The following YAF2 variants were observed in gnomAD, a reference collection of about 807,000 sequenced individuals.
The protein encoded by YAF2 is YY1 associated factor 2.
Under a neutral mutation model 20.1 loss-of-function variants are expected in YAF2, and 7 were observed. The observed-to-expected ratio is 0.35, with a 90% CI of 0.20 to 0.65. YAF2 has a LOEUF of 0.65. YAF2 is among the 30% of genes least tolerant of loss of function. YAF2 has a pLI of 0.69. For synonymous variants in YAF2, 74 were observed against 76.0 expected, an observed-to-expected ratio of 0.97 and a Z score of 0.14; for missense variants, 151 against 219.2, an observed-to-expected ratio of 0.69 and a Z score of 1.96.
intron 2 of YAF2, among the ~76,000 whole-genome samples, chr12:42,187,714 GT>G (rs2066509447): frequency 6.6e-6 from 1 of 152,124 alleles, no homozygotes; most frequent in Non-Finnish European, 1.5e-5. Context: ...TTACAAATAA[GT>G]ATTAATAAAT....
chr12:42,214,799 T>G (rs944039787), intron 2 of YAF2, among the ~76,000 whole-genome samples: 1 of 150,200 alleles, frequency 6.7e-6, no homozygotes, highest in Non-Finnish European at 1.5e-5. Context: ...AGGTCAAGAG[T>G]TCGAGACCAG....
At chr12:42,234,745 T>C (rs889231840) in intron 2 of YAF2, 6 of 978,276 alleles carry the variant, frequency 6.1e-6, no homozygotes, top group Non-Finnish European at 7.3e-6. Flanking sequence ...CCCAGTTCTT[T>C]GGGAGGCCAA....
intron 2 of YAF2, among the ~76,000 whole-genome samples, chr12:42,224,684 A>C (rs752720075): frequency 3.9e-5 from 6 of 152,154 alleles, no homozygotes; most frequent in Non-Finnish European, 8.8e-5. Context: ...AGCTTCATCC[A>C]TGTCCCTGCA....
rs986243711 is a variant in YAF2, at chr12:42,162,088, G to A, written c.153-323C>T. Among the ~76,000 whole-genome samples the A allele has an allele frequency of 8.5e-5, 13 of 152,058 alleles. No homozygotes were observed. In the East Asian group the frequency reaches 1.5e-3, roughly 18 times the overall value. On this transcript the variant is annotated intron_variant, in intron 2 of 3. Transcript: ENST00000534854. ...AAATGGGATGTACCCATATAAACATGAGTTCTAAAAATCAAACTTCAAAGT... is the reference window on the plus strand; with the variant it reads ...AAATGGGATGTACCCATATAAACATAAGTTCTAAAAATCAAACTTCAAAGT...
intron 2 of YAF2, among the ~76,000 whole-genome samples, chr12:42,207,094 A>G (rs1308177297): frequency 6.6e-6 from 1 of 152,202 alleles, no homozygotes; most frequent in Admixed American, 6.5e-5. Context: ...TATTTCTCCA[A>G]AGAATAAAAG....
chr12:42,224,757 T>G (rs948729333), intron 2 of YAF2, among the ~76,000 whole-genome samples: 2 of 152,242 alleles, frequency 1.3e-5, no homozygotes, highest in African/African-American at 4.8e-5. Flanking sequence ...GTGCCACATT[T>G]TCTTTATCCA....
intron 2 of YAF2, chr12:42,236,010 A>T: frequency 6.5e-7 from 1 of 1,535,924 alleles, no homozygotes; most frequent in Non-Finnish European, 8.7e-7. Context: ...GCAAATAAAC[A>T]TATAGGCTCT....
intron 2 of YAF2, among the ~76,000 whole-genome samples, chr12:42,170,718 C>T (rs80308513): frequency 0.024 from 3,658 of 152,180 alleles, 149 homozygotes; most frequent in African/African-American, 0.084. Context: ...TGGTGGCAAG[C>T]ACCTTTAGTC....
intron 2 of YAF2, chr12:42,233,902 G>A: frequency 2.0e-6 from 2 of 985,420 alleles, no homozygotes; most frequent in Non-Finnish European, 2.4e-6. Context: ...TGGGCACAGT[G>A]TCTCACTCCT....
At chr12:42,220,685 C>T (rs2067486513) in intron 2 of YAF2, among the ~76,000 whole-genome samples, 1 of 152,182 alleles carries the variant, frequency 6.6e-6, no homozygotes, top group African/African-American at 2.4e-5. Flanking sequence ...TCTGGGTTGA[C>T]TGTCCCTAGT....
At position 42,237,510 on chromosome 12, in the gene YAF2, A is replaced by C. The variant is rs2068208572; in HGVS notation, c.152+89T>G. 2.9e-6 allele frequency: 4 copies of C among 1,374,694 alleles called. No individual in the cohort carries two copies. In the South Asian group the frequency reaches 4.8e-5, roughly 16 times the overall value. The allele number at this position is 1,374,694 out of a possible 1,614,324, so 85.2% of individuals were successfully genotyped here. A position where few individuals can be genotyped will look rare whatever the true frequency, so the allele number is the denominator to read the frequency against. ...TCTGCCTCCTCCCGCCGGGTCCGCC[A>C]GTGTCATGGGAGGGGGCGGCAGCCG... On this transcript the variant is annotated intron_variant, in intron 2 of 3. Coordinates refer to ENST00000534854, the MANE Select transcript of YAF2 (RefSeq NM_005748.6).
At chr12:42,184,795 T>C (rs2066429525) in intron 2 of YAF2, among the ~76,000 whole-genome samples, 1 of 152,128 alleles carries the variant, frequency 6.6e-6, no homozygotes, top group African/African-American at 2.4e-5. Context: ...AGGAGTTTGG[T>C]GGAAGTTGAT....
Position 42,160,674 on chromosome 12 carries a change from G to T in YAF2, c.458C>A (p.Ser153Tyr). The change falls in exon 4 of 4, where the codon TCT (serine) becomes TAT (tyrosine). Residue 153 changes from serine to tyrosine, a missense_variant. Ser to Tyr is a moderately radical substitution (Grantham distance 144). Around this residue, in one of 3 missense-constraint regions of YAF2, gnomAD observed 51 missense variants for 48.9 expected, o/e 1.04. Coordinates refer to ENST00000534854, the MANE Select transcript of YAF2 (RefSeq NM_005748.6). Reference protein sequence around the residue: ...ASADQHSQSGSSSDNTERGMS... With the variant: ...ASADQHSQSGYSSDNTERGMS... ...TCCTCTCTCTGTGTTATCAGAGCTA[G>T]AGCCGCTTTGACTGTGTTGATCTGC... 6.2e-7 allele frequency: 1 copy of T among 1,613,848 alleles called. No homozygotes were observed. The highest frequency in any genetic ancestry group is 8.5e-7 in the Non-Finnish European group (1 of 1,179,896).
Position 42,237,584 on chromosome 12 carries a change from AGGC to A in YAF2, c.152+12_152+14del. On this transcript the variant is annotated intron_variant, in intron 2 of 3. Transcript: ENST00000534854. ...CCCGCCGGCCGGCGGCGCGAGGGGC[AGGC>A]CCGGGACTCACCGGGTGGAGGTGCC... 9 of 1,511,450 alleles carry A rather than the reference AGGC, an allele frequency of 6.0e-6. No individual in the cohort carries two copies. Among genetic ancestry groups the A allele is most frequent in the Non-Finnish European group, 7.1e-6 (8 of 1,129,168 alleles). The allele number at this position is 1,511,450 out of a possible 1,614,324, so 93.6% of individuals were successfully genotyped here. A position where few individuals can be genotyped will look rare whatever the true frequency, so the allele number is the denominator to read the frequency against.
chr12:42,207,903 A>G (rs1433609820), intron 2 of YAF2, among the ~76,000 whole-genome samples: 1 of 152,094 alleles, frequency 6.6e-6, no homozygotes, highest in Non-Finnish European at 1.5e-5. Flanking sequence ...AAAGACAAAC[A>G]AAAAACTGGT....
chr12:42,169,252 T>C (rs998228071), intron 2 of YAF2, among the ~76,000 whole-genome samples: 1 of 152,170 alleles, frequency 6.6e-6, no homozygotes. Context: ...TCCTGCACCA[T>C]AGCTACAAAG....
intron 2 of YAF2, among the ~76,000 whole-genome samples, chr12:42,211,427 CAAAAAAAAAAAAAA>C (rs34683165): frequency 5.8e-5 from 3 of 51,608 alleles, no homozygotes; most frequent in Admixed American, 5.7e-4. Flanking sequence ...ACTCTGTCTC[CAAAAAAAAAAAAAA>C]AAAAAAAAAA....
intron 2 of YAF2, chr12:42,231,155 T>C (rs2067972685): frequency 1.3e-5 from 2 of 152,180 alleles, no homozygotes; most frequent in Non-Finnish European, 2.9e-5. Flanking sequence ...ATGTTTACTA[T>C]ATTAGAAATA....
chr12:42,230,899 G>A (rs2067966599), intron 2 of YAF2, among the ~76,000 whole-genome samples: 1 of 152,164 alleles, frequency 6.6e-6, no homozygotes, highest in African/African-American at 2.4e-5. Context: ...CAAATACTTT[G>A]GAGGCGACAT....
Sources: gnomAD v4.1 joint callset for allele counts (sites outside exome capture counted in the v4.1 genomes callset) on GRCh38, gnomAD v4.1.1 for gene constraint, gnomAD v4.1.1 regional missense constraint, MANE v1.5 for transcripts, NCBI Gene and HGNC (gene_info 2026-07-23, HGNC 2026-07-21) for gene names.